The following PTCHD4 variants were observed in gnomAD, a reference collection of about 807,000 sequenced individuals.
PTCHD4 encodes the protein patched domain-containing protein 4.
Under a neutral mutation model 58.1 loss-of-function variants are expected in PTCHD4, and 33 were observed. The ratio of observed to expected loss-of-function variants is 0.57; its 90% CI spans 0.43 to 0.76. PTCHD4 has a LOEUF of 0.76. Ranked by LOEUF, PTCHD4 falls within the 30% of genes least tolerant of loss-of-function variation. The pLI, the probability that PTCHD4 is intolerant of heterozygous loss-of-function variation, is 0.00. For missense variants in PTCHD4, 1,058 were observed against 1,027.1 expected, an observed-to-expected ratio of 1.03 and a Z score of -0.41; for synonymous variants, 478 against 409.6, an observed-to-expected ratio of 1.17 and a Z score of -2.02.
intron 4 of PTCHD4, among the ~76,000 whole-genome samples, chr6:47,980,859 C>T (rs1291289543): frequency 2.0e-5 from 3 of 151,634 alleles, no homozygotes; most frequent in East Asian, 3.9e-4. Flanking sequence ...ATATATTTAA[C>T]ATTTTAATAT....
At chr6:48,011,624 G>A (rs1002891857) in intron 3 of PTCHD4, among the ~76,000 whole-genome samples, 1 of 152,110 alleles carries the variant, frequency 6.6e-6, no homozygotes, top group East Asian at 1.9e-4. Context: ...TGCTTTTGGT[G>A]TTTTAGTCAT....
chr6:48,023,596 T>A (rs1763142788), intron 3 of PTCHD4, among the ~76,000 whole-genome samples: 1 of 152,162 alleles, frequency 6.6e-6, no homozygotes, highest in South Asian at 2.1e-4. Context: ...CTACCTCCTA[T>A]TTCATGAGGT....
At chr6:47,888,037 C>T (rs916118031) in intron 4 of PTCHD4, among the ~76,000 whole-genome samples, 1 of 152,156 alleles carries the variant, frequency 6.6e-6, no homozygotes, top group Non-Finnish European at 1.5e-5. Flanking sequence ...ATATTCCCAT[C>T]CCAGTACAGA....
chr6:48,108,305 CA>C (rs1363128028), intron 1 of PTCHD4, among the ~76,000 whole-genome samples: 1 of 152,098 alleles, frequency 6.6e-6, no homozygotes, highest in African/African-American at 2.4e-5. Context: ...TTTGTAGGGA[CA>C]TGGATGAAGC....
At chr6:48,011,086 A>T (rs1762652905) in intron 3 of PTCHD4, among the ~76,000 whole-genome samples, 1 of 152,216 alleles carries the variant, frequency 6.6e-6, no homozygotes, top group South Asian at 2.1e-4. Context: ...TCCTTTGGTT[A>T]TATGCCCAGC....
At position 47,859,689 on chromosome 6, in the gene PTCHD4, C is replaced by A. The variant is rs1293144509; in HGVS notation, c.*18614G>T. Among the ~76,000 whole-genome samples, 2 of 151,860 alleles carry A rather than the reference C, an allele frequency of 1.3e-5. No individual in the cohort carries two copies. Among genetic ancestry groups the A allele is most frequent in the African/African-American group, 4.8e-5 (2 of 41,348 alleles). The stretch of plus-strand genomic sequence containing the variant: ...TTTCAATTTACTGGGGACAGACAGA[C>A]AATAAACAAATCCCATGACAAATAT... On this transcript the variant is annotated 3_prime_UTR_variant, in exon 5 of 5. Coordinates refer to ENST00000339488, the MANE Select transcript of PTCHD4 (RefSeq NM_001384253.1).
rs1390445528 is a variant in PTCHD4, at chr6:47,876,354, T to C, written c.*1949A>G. Among the ~76,000 whole-genome samples the C allele has an allele frequency of 6.6e-6, 1 of 152,006 alleles. No individual in the cohort carries two copies. Among genetic ancestry groups the C allele is most frequent in the Non-Finnish European group, 1.5e-5 (1 of 67,952 alleles). ...AATGGAGAAGACATAGATCATTTCCTGTTGAAACCCAATTACCTCAAGGTA... is the reference window on the plus strand; with the variant it reads ...AATGGAGAAGACATAGATCATTTCCCGTTGAAACCCAATTACCTCAAGGTA... On this transcript the variant is annotated 3_prime_UTR_variant, in exon 5 of 5. Coordinates refer to ENST00000339488, the MANE Select transcript of PTCHD4 (RefSeq NM_001384253.1).
At chr6:47,994,324 T>C (rs1451563395) in intron 4 of PTCHD4, among the ~76,000 whole-genome samples, 1 of 152,144 alleles carries the variant, frequency 6.6e-6, no homozygotes, top group African/African-American at 2.4e-5. Flanking sequence ...GCATAGTGGG[T>C]CAATATGACA....
Position 48,067,405 on chromosome 6 carries a change from G to A in PTCHD4, c.417+825C>T, listed in dbSNP as rs9395337. ...GTTGTAATAATCTTGCTCTCATTTG[G>A]AATTTTTTATGGGAAAGGAAGATCA... On this transcript the variant is annotated intron_variant, in intron 3 of 4. Coordinates refer to ENST00000339488, the MANE Select transcript of PTCHD4 (RefSeq NM_001384253.1). Among the ~76,000 whole-genome samples, 9 of 151,946 alleles carry A rather than the reference G, an allele frequency of 5.9e-5. No homozygotes were observed. In the East Asian group the frequency reaches 1.7e-3, roughly 29 times the overall value.
At chr6:47,929,746 G>T (rs1325694) in intron 4 of PTCHD4, among the ~76,000 whole-genome samples, 16,815 of 152,242 alleles carry the variant, frequency 0.11, 950 homozygotes, top group Middle Eastern at 0.14. Context: ...CACTGAGTGT[G>T]CAAAGTCTGT....
At position 47,876,872 on chromosome 6, in the gene PTCHD4, T is replaced by G. The variant is rs1763862471; in HGVS notation, c.*1431A>C. On this transcript the variant is annotated 3_prime_UTR_variant, in exon 5 of 5. Transcript: ENST00000339488. ...TAATGAAAACATTTACCTCAGTACTTTTGTTTGAGAAAGAATTCAGCAGCA... is the reference window on the plus strand; with the variant it reads ...TAATGAAAACATTTACCTCAGTACTGTTGTTTGAGAAAGAATTCAGCAGCA... Among the ~76,000 whole-genome samples the G allele has an allele frequency of 6.6e-6, 1 of 151,948 alleles. No homozygotes were observed. Among genetic ancestry groups the G allele is most frequent in the Non-Finnish European group, 1.5e-5 (1 of 67,952 alleles).
chr6:48,094,780 C>T (rs1227738318), intron 1 of PTCHD4, among the ~76,000 whole-genome samples: 4 of 152,132 alleles, frequency 2.6e-5, no homozygotes, highest in African/African-American at 7.2e-5. Context: ...AATATGGTTT[C>T]TCTTCCTTGA....
At chr6:47,907,552 C>T (rs1764931860) in intron 4 of PTCHD4, among the ~76,000 whole-genome samples, 1 of 152,204 alleles carries the variant, frequency 6.6e-6, no homozygotes, top group Non-Finnish European at 1.5e-5. Flanking sequence ...GCCTTCCATA[C>T]ACCCTAGGCT....
chr6:47,978,466 A>C (rs1422288177), intron 4 of PTCHD4, among the ~76,000 whole-genome samples: 2 of 152,182 alleles, frequency 1.3e-5, no homozygotes, highest in Non-Finnish European at 1.5e-5. Context: ...TTAGTTTCAT[A>C]ATATAAAAAT....
At position 48,008,970 on chromosome 6, in the gene PTCHD4, C is replaced by T. The variant is rs1258722713; in HGVS notation, c.562G>A (p.Gly188Arg). 1 of 1,613,966 alleles carries T rather than the reference C, an allele frequency of 6.2e-7. No individual in the cohort carries two copies. The highest frequency in any genetic ancestry group is 8.5e-7 in the Non-Finnish European group (1 of 1,179,892). ...CAGAACTCATTCTCCCACTTCTCCC[C>T]TATGAGGTCTTGGGTGGCAGAGCCA... is the stretch of plus-strand genomic sequence containing the variant. ...TYGSATQDLI[G>R]EKWENEFCKL... The change falls in exon 4 of 5, where the codon GGG becomes AGG. Residue 188 changes from glycine to arginine, a missense_variant. Coordinates refer to ENST00000339488, the MANE Select transcript of PTCHD4 (RefSeq NM_001384253.1).
At chr6:47,947,517 A>G (rs1263018970) in intron 4 of PTCHD4, among the ~76,000 whole-genome samples, 3 of 151,982 alleles carry the variant, frequency 2.0e-5, no homozygotes, top group Non-Finnish European at 4.4e-5. Context: ...TTTGGTCTCA[A>G]ATGTCACTAT....
In PTCHD4 at chr6:47,863,376, G is replaced by A. The variant is rs62397933; in HGVS notation, c.*14927C>T. On this transcript the variant is annotated 3_prime_UTR_variant, in exon 5 of 5. Coordinates refer to ENST00000339488, the MANE Select transcript of PTCHD4 (RefSeq NM_001384253.1). The stretch of plus-strand genomic sequence containing the variant: ...GCTTCATTAGCTACATGCTACACTT[G>A]CATATCCCACATGAAAAATAGTACT... Among the ~76,000 whole-genome samples the A allele has an allele frequency of 0.084, 12,695 of 151,810 alleles. 658 individuals are homozygous for A. The highest frequency in any genetic ancestry group is 0.12 in the Non-Finnish European group (7,908 of 67,832).
At chr6:48,104,810 G>C (rs1039823225) in intron 1 of PTCHD4, among the ~76,000 whole-genome samples, 5 of 151,888 alleles carry the variant, frequency 3.3e-5, no homozygotes, top group African/African-American at 1.2e-4. Flanking sequence ...TCCTAGTCTC[G>C]GATAAAACAG....
At chr6:47,887,839 G>T (rs907111755) in intron 4 of PTCHD4, among the ~76,000 whole-genome samples, 1 of 152,246 alleles carries the variant, frequency 6.6e-6, no homozygotes, top group East Asian at 1.9e-4. Flanking sequence ...TTTATACAAT[G>T]GCCAAAGCTT....
Sources: allele counts gnomAD v4.1 joint callset (sites outside exome capture counted in the v4.1 genomes callset), GRCh38; gene constraint gnomAD v4.1.1; transcripts MANE v1.5; gene names NCBI Gene and HGNC (gene_info 2026-07-23, HGNC 2026-07-21).